Variants in CSTF3 observed in about 807,000 individuals in gnomAD.
CSTF3 encodes the protein CF-1 77 kDa subunit.
In CSTF3, 29 loss-of-function variants were observed where a neutral mutation model predicts 105.8. The observed-to-expected ratio is 0.27, with a 90% confidence interval of 0.20 to 0.37. CSTF3 has a LOEUF of 0.37. CSTF3 is among the 10% of genes least tolerant of loss of function. The pLI is 1.00. For missense variants in CSTF3, 357 were observed against 879.3 expected (o/e 0.41, Z 7.51); for synonymous variants, 252 against 281.9 (o/e 0.89, Z 1.06).
chr11:33,101,395 G>A (rs1255673119), intron 10 of CSTF3, among the ~76,000 whole-genome samples: 1 of 152,164 alleles, frequency 6.6e-6, no homozygotes, highest in Admixed American at 6.5e-5. Context: ...AGCAACTAAG[G>A]GAGATGAAGT....
At chr11:33,108,290 GATTCA>G (rs1484792311) in intron 4 of CSTF3, 91 bp downstream of exon 4, 2 of 1,117,226 alleles carry the variant, frequency 1.8e-6, no homozygotes, top group African/African-American at 3.3e-5. Context: ...TCACTATCTA[GATTCA>G]ATTATTATTA....
chr11:33,108,527 A>T, intron 3 of CSTF3, 109 bp from the exon 4 acceptor site: 1 of 801,108 alleles, frequency 1.2e-6, no homozygotes, highest in East Asian at 3.8e-5. Flanking sequence ...ATAGTTTCTT[A>T]TTAATTTTTC....
chr11:33,148,025 T>G (rs1245181138), intron 1 of CSTF3, among the ~76,000 whole-genome samples: 6 of 152,170 alleles, frequency 3.9e-5, no homozygotes, highest in Admixed American at 3.9e-4. Flanking sequence ...AATTTTGCAT[T>G]TAGAGAGCTA....
At chr11:33,114,463 A>AAAAATCCCAAT (rs1420550732) in intron 3 of CSTF3, among the ~76,000 whole-genome samples, 2 of 152,156 alleles carry the variant, frequency 1.3e-5, no homozygotes, top group East Asian at 3.9e-4. Flanking sequence ...TTGGGGAAAA[A>AAAAATCCCAAT]AAAATCCCAT....
chr11:33,097,334 A>G (rs1048406467), intron 13 of CSTF3, among the ~76,000 whole-genome samples: 1 of 152,174 alleles, frequency 6.6e-6, no homozygotes, highest in East Asian at 1.9e-4. Flanking sequence ...ATATCTAAAA[A>G]ACTCAAGGGT....
chr11:33,156,560 T>C, intron 1 of CSTF3: 1 of 365,550 alleles, frequency 2.7e-6, no homozygotes, highest in Non-Finnish European at 5.3e-6. Flanking sequence ...AAATGCTCCT[T>C]TGTTAAGAAC....
intron 14 of CSTF3, among the ~76,000 whole-genome samples, 182 bp from the exon 15 acceptor site, chr11:33,096,590 CGAAA>C (rs1479034551): frequency 2.0e-5 from 3 of 151,942 alleles, no homozygotes; most frequent in Non-Finnish European, 4.4e-5. Flanking sequence ...TTAGAAATCA[CGAAA>C]TAGTGATTAA....
chr11:33,090,448 G>C (rs566436534), intron 17 of CSTF3, 84 bp downstream of exon 17: 4 of 800,842 alleles, frequency 5.0e-6, no homozygotes, highest in East Asian at 5.9e-5. Flanking sequence ...TCACATTTCA[G>C]AATTTAGAGT....
At chr11:33,124,836 G>A (rs868810330) in intron 3 of CSTF3, among the ~76,000 whole-genome samples, 1 of 152,188 alleles carries the variant, frequency 6.6e-6, no homozygotes, top group Non-Finnish European at 1.5e-5. Context: ...GCAAACTGAA[G>A]AGTCAATTCC....
At chr11:33,158,024 G>T (rs1287615987) in intron 1 of CSTF3, among the ~76,000 whole-genome samples, 1 of 152,068 alleles carries the variant, frequency 6.6e-6, no homozygotes, top group African/African-American at 2.4e-5. Context: ...TTATTTAATG[G>T]TTATTTTAGT....
chr11:33,143,602 T>G (rs1855740816), intron 1 of CSTF3, among the ~76,000 whole-genome samples: 1 of 151,954 alleles, frequency 6.6e-6, no homozygotes, highest in Non-Finnish European at 1.5e-5. Context: ...ACAGAAAAAT[T>G]AGCTGGGCGT....
intron 3 of CSTF3, among the ~76,000 whole-genome samples, chr11:33,136,486 AC>A (rs1565015711): frequency 6.6e-6 from 1 of 152,008 alleles, no homozygotes; most frequent in African/African-American, 2.4e-5. Flanking sequence ...AGTGCCTTGA[AC>A]CAGACTCATT....
chr11:33,160,487 A>T (rs1424642276), intron 1 of CSTF3, among the ~76,000 whole-genome samples: 2 of 152,244 alleles, frequency 1.3e-5, no homozygotes, highest in Non-Finnish European at 2.9e-5. Flanking sequence ...ACCAGGACTT[A>T]GATCGAAAAA....
intron 3 of CSTF3, among the ~76,000 whole-genome samples, chr11:33,109,936 T>C (rs1855363188): frequency 1.3e-5 from 2 of 152,214 alleles, no homozygotes; most frequent in Non-Finnish European, 2.9e-5. Context: ...CCCCAGGCAA[T>C]TCATTTAGGG....
chr11:33,100,970 T>C (rs1855275295), intron 10 of CSTF3, among the ~76,000 whole-genome samples: 1 of 152,118 alleles, frequency 6.6e-6, no homozygotes, highest in African/African-American at 2.4e-5. Flanking sequence ...GTAAAAATTA[T>C]AAATAAACAA....
At chr11:33,146,272 C>T (rs1039962252) in intron 1 of CSTF3, among the ~76,000 whole-genome samples, 3 of 151,926 alleles carry the variant, frequency 2.0e-5, no homozygotes, top group African/African-American at 7.2e-5. Flanking sequence ...AACTGATCAA[C>T]GTTTAATATA....
chr11:33,155,896 T>C (rs558638305), intron 1 of CSTF3, among the ~76,000 whole-genome samples: 5 of 152,250 alleles, frequency 3.3e-5, no homozygotes, highest in African/African-American at 1.2e-4. Context: ...TGAATTGGTA[T>C]GGGTAATTGT....
At chr11:33,152,985 G>A (rs757940142) in intron 1 of CSTF3, among the ~76,000 whole-genome samples, 3 of 151,746 alleles carry the variant, frequency 2.0e-5, no homozygotes, top group Non-Finnish European at 4.4e-5. Context: ...AATAATTGAG[G>A]AGCCCAGAGG....
chr11:33,120,125 A>G (rs757217181), intron 3 of CSTF3, among the ~76,000 whole-genome samples: 12 of 151,860 alleles, frequency 7.9e-5, no homozygotes, highest in Non-Finnish European at 1.5e-4. Context: ...AATTGTATTC[A>G]TGCAAGAGAT....
Sources: gnomAD v4.1 joint callset for allele counts (sites outside exome capture counted in the v4.1 genomes callset) on GRCh38, gnomAD v4.1.1 for gene constraint, MANE v1.5 for transcripts, NCBI Gene and HGNC (gene_info 2026-07-23, HGNC 2026-07-21) for gene names.